Variants in PTPRT observed in about 807,000 individuals in gnomAD.
PTPRT encodes protein tyrosine phosphatase receptor type T, also known as receptor-type tyrosine-protein phosphatase T.
In PTPRT, 56 loss-of-function variants were observed where a neutral mutation model predicts 176.8. The ratio of observed to expected loss-of-function variants is 0.32; its 90% CI spans 0.26 to 0.40. The LOEUF (loss-of-function observed/expected upper bound fraction) is 0.40, where lower values mean the gene tolerates loss of function less well. PTPRT is among the 10% of genes least tolerant of loss of function. The pLI is 1.00. For missense variants in PTPRT, 1,540 were observed against 1,908.2 expected, an observed-to-expected ratio of 0.81 and a Z score of 3.60; for synonymous variants, 783 against 739.0, an observed-to-expected ratio of 1.06 and a Z score of -0.96.
chr20:42,164,567 A>T (rs532177416), intron 16 of PTPRT, among the ~76,000 whole-genome samples: 8 of 152,330 alleles, frequency 5.3e-5, no homozygotes, highest in African/African-American at 1.9e-4. Context: ...CTATTCCCTT[A>T]TTAACCTCTG....
At chr20:42,673,088 A>G (rs1303504126) in intron 7 of PTPRT, among the ~76,000 whole-genome samples, 1 of 152,236 alleles carries the variant, frequency 6.6e-6, no homozygotes, top group East Asian at 1.9e-4. Flanking sequence ...CACTCTCAAG[A>G]GGACACTTGT....
chr20:42,371,973 T>A (rs1195192572), intron 9 of PTPRT, among the ~76,000 whole-genome samples: 1 of 152,116 alleles, frequency 6.6e-6, no homozygotes, highest in African/African-American at 2.4e-5. Flanking sequence ...ACATCAGCAG[T>A]TTTAGCAAGA....
intron 12 of PTPRT, among the ~76,000 whole-genome samples, chr20:42,298,781 C>G (rs2057421019): frequency 6.6e-6 from 1 of 152,008 alleles, no homozygotes; most frequent in Non-Finnish European, 1.5e-5. Context: ...ATTAGCTGGG[C>G]ATGGTGGTGG....
chr20:43,005,561 G>GGAGAGAATTGGCC (rs1568729241), intron 1 of PTPRT, among the ~76,000 whole-genome samples: 1 of 152,090 alleles, frequency 6.6e-6, no homozygotes, highest in East Asian at 1.9e-4. Flanking sequence ...GGGAAACAGA[G>GGAGAGAATTGGCC]GAGAGAATTG....
At chr20:42,664,897 T>C (rs530929466) in intron 7 of PTPRT, among the ~76,000 whole-genome samples, 53 of 152,306 alleles carry the variant, frequency 3.5e-4, no homozygotes, top group Admixed American at 7.2e-4. Flanking sequence ...TAGCCATATG[T>C]AGAAAGCTGA....
At position 42,400,961 on chromosome 20, in the gene PTPRT, C is replaced by T. The variant is rs116972581; in HGVS notation, c.1560+47259G>A. ...GAAGGAAGGAAGGAGGATTTAGTGG[C>T]CAGATGTGGGTTTCGGGAGGAGGGT... is the stretch of plus-strand genomic sequence containing the variant. On this transcript the variant is annotated intron_variant, in intron 9 of 30. Coordinates refer to ENST00000373187, the MANE Select transcript of PTPRT (RefSeq NM_007050.6). Among the ~76,000 whole-genome samples the T allele has an allele frequency of 3.9e-4, 60 of 151,910 alleles. No homozygotes were observed. The East Asian group carries it at 0.01, about 26-fold the overall frequency.
chr20:43,074,922 T>C lies in PTPRT; in HGVS notation c.88+114724A>G. Among the ~76,000 whole-genome samples the C allele has an allele frequency of 1.3e-5, 2 of 152,210 alleles. 1 individual carries two copies. On this transcript the variant is annotated intron_variant, in intron 1 of 30. Transcript: ENST00000373187. ...GAGATTCTGCCCACAGAGCCAAAGC[T>C]TTCCAGAAAGAATGTGCTGATGTGC...
chr20:42,483,611 A>G (rs2071421742), intron 7 of PTPRT, among the ~76,000 whole-genome samples: 2 of 152,250 alleles, frequency 1.3e-5, no homozygotes, highest in Non-Finnish European at 2.9e-5. Context: ...CTAGTCCAAC[A>G]GCCCTATCCC....
intron 2 of PTPRT, among the ~76,000 whole-genome samples, chr20:42,818,907 A>C (rs547441373): frequency 2.5e-4 from 38 of 152,346 alleles, no homozygotes; most frequent in Non-Finnish European, 2.9e-4. Context: ...CTTCATAAAA[A>C]GACTGAACCT....
intron 1 of PTPRT, among the ~76,000 whole-genome samples, chr20:42,913,045 T>C (rs1978499709): frequency 6.6e-6 from 1 of 151,608 alleles, no homozygotes. Context: ...TGCCTTAGTC[T>C]CTCCATCAGT....
At chr20:42,530,476 T>C (rs1486309400) in intron 7 of PTPRT, among the ~76,000 whole-genome samples, 1 of 152,182 alleles carries the variant, frequency 6.6e-6, no homozygotes, top group African/African-American at 2.4e-5. Context: ...GCGTGAGCAT[T>C]GAATCTAAAA....
chr20:42,608,218 T>G (rs909837991), intron 7 of PTPRT, among the ~76,000 whole-genome samples: 1 of 152,164 alleles, frequency 6.6e-6, no homozygotes, highest in Middle Eastern at 3.2e-3. Context: ...AGGTGCCTCA[T>G]GCATCATGGG....
intron 1 of PTPRT, among the ~76,000 whole-genome samples, chr20:43,040,995 C>A (rs1341557159): frequency 6.6e-6 from 1 of 152,176 alleles, no homozygotes; most frequent in Non-Finnish European, 1.5e-5. Flanking sequence ...CACCTGGGAG[C>A]GTGTGAGAAA....
chr20:42,511,951 G>A (rs1175785085), intron 7 of PTPRT, among the ~76,000 whole-genome samples: 2 of 152,002 alleles, frequency 1.3e-5, no homozygotes, highest in African/African-American at 2.4e-5. Flanking sequence ...AATGAACAAG[G>A]AACAACATTC....
intron 22 of PTPRT, among the ~76,000 whole-genome samples, chr20:42,112,210 G>T (rs1303883432): frequency 6.6e-6 from 1 of 152,172 alleles, no homozygotes; most frequent in Non-Finnish European, 1.5e-5. Context: ...GGTGGATCGG[G>T]GGTTGCAGAG....
At chr20:43,113,348 C>A (rs1006284990) in intron 1 of PTPRT, among the ~76,000 whole-genome samples, 3 of 152,198 alleles carry the variant, frequency 2.0e-5, no homozygotes, top group African/African-American at 7.2e-5. Flanking sequence ...TAGCCGCAAT[C>A]TGATGAAGGA....
intron 1 of PTPRT, among the ~76,000 whole-genome samples, chr20:43,075,380 AGCGCTGGAATGAGGCATGCGCTGGCAC>A (rs1171967917): frequency 1.3e-5 from 2 of 152,248 alleles, no homozygotes; most frequent in Admixed American, 6.5e-5. Flanking sequence ...AGCTCCGCAG[AGCGCTGGAATGAGGCATGCGCTGGCAC>A]GCGCTGGATG....
chr20:42,864,476 T>C (rs2078712726), intron 2 of PTPRT, among the ~76,000 whole-genome samples: 1 of 152,188 alleles, frequency 6.6e-6, no homozygotes, highest in Non-Finnish European at 1.5e-5. Context: ...TTGATGGTGA[T>C]GGAGGAGACC....
intron 9 of PTPRT, among the ~76,000 whole-genome samples, chr20:42,405,414 T>C (rs1249344069): frequency 2.0e-5 from 3 of 152,240 alleles, no homozygotes; most frequent in South Asian, 2.1e-4. Flanking sequence ...CATTGTTCAA[T>C]TCCCACCTAT....
Sources: allele counts gnomAD v4.1 joint callset (sites outside exome capture counted in the v4.1 genomes callset), GRCh38; gene constraint gnomAD v4.1.1; transcripts MANE v1.5; gene names NCBI Gene and HGNC (gene_info 2026-07-23, HGNC 2026-07-21).